The following ARHGEF4 variants were observed in gnomAD, a reference collection of about 807,000 sequenced individuals.
ARHGEF4 encodes the protein Rho guanine nucleotide exchange factor 4, also known as APC-stimulated guanine nucleotide exchange factor 1.
A neutral mutation model predicts 162.0 loss-of-function variants in ARHGEF4; 119 were observed. That is an observed-to-expected ratio of 0.73 (90% CI 0.63 to 0.86). The LOEUF (loss-of-function observed/expected upper bound fraction) is 0.86. ARHGEF4 is among the 40% of genes least tolerant of loss of function. The pLI is 0.00. For synonymous variants in ARHGEF4, 1,014 were observed against 979.9 expected (o/e 1.03, Z -0.65); for missense variants, 2,488 against 2,456.0 (o/e 1.01, Z -0.28).
intron 4 of ARHGEF4, among the ~76,000 whole-genome samples, chr2:130,986,899 C>G (rs983831979): frequency 3.3e-5 from 5 of 152,236 alleles, no homozygotes; most frequent in Non-Finnish European, 7.3e-5. Flanking sequence ...CCTTGGGTCA[C>G]ACAATCCTAG....
Position 130,931,239 on chromosome 2 carries a change from G to A in ARHGEF4, c.3840G>A (p.Val1280=). The stretch of plus-strand genomic sequence containing the variant: ...AAAGGAGGCTGCACATAGGGGCAGT[G>A]CACAAAGATGGAGTCAAGGTAAGCC... ...HVERRLHIGA[V]HKDGVKCWRK... is the part of the protein sequence containing the mutation. Residue 1280 remains valine, a synonymous_variant, in exon 3 of 14, where the codon GTG becomes GTA. Transcript: ENST00000409359. 1.2e-6 allele frequency: 2 copies of A among 1,609,046 alleles called. No individual in the cohort carries two copies. The highest frequency in any genetic ancestry group is 1.7e-6 in the Non-Finnish European group (2 of 1,176,482).
chr2:131,011,543 C>G lies in ARHGEF4; in HGVS notation c.3986-16402C>G. On this transcript the variant is annotated intron_variant, in intron 4 of 13. Coordinates refer to ENST00000409359, the MANE Select transcript of ARHGEF4 (RefSeq NM_001367493.1). ...CTTAAGCTCCCGTGAATATCAGGAC[C>G]TCAAGCATGTGCTTCCATATCAGCC... 3 of 1,311,580 alleles carry G rather than the reference C, an allele frequency of 2.3e-6. No individual in the cohort carries two copies. In the South Asian group the frequency reaches 4.4e-5, roughly 19 times the overall value. 81.2% of individuals were successfully genotyped at this position (1,311,580 alleles called of 1,614,324 possible).
At chr2:130,913,667 A>T (rs945285906) in intron 1 of ARHGEF4, among the ~76,000 whole-genome samples, 5 of 152,208 alleles carry the variant, frequency 3.3e-5, no homozygotes, top group Admixed American at 2.0e-4. Flanking sequence ...TTAGGCAGAG[A>T]TATGCTTTTC....
At chr2:130,924,301 G>A (rs183282898) in intron 2 of ARHGEF4, among the ~76,000 whole-genome samples, 5 of 146,062 alleles carry the variant, frequency 3.4e-5, no homozygotes, top group Admixed American at 1.4e-4. Flanking sequence ...TTTTGAGACC[G>A]AGTCTCACAC....
At chr2:130,982,599 CCCT>C (rs1443835235) in intron 4 of ARHGEF4, among the ~76,000 whole-genome samples, 2 of 96,824 alleles carry the variant, frequency 2.1e-5, no homozygotes, top group South Asian at 3.5e-4. Flanking sequence ...CTCCTCCTTT[CCCT>C]CCTCCTCCTC....
chr2:130,914,045 C>G lies in ARHGEF4; in HGVS notation c.99C>G (p.Pro33=). 6.5e-7 allele frequency: 1 copy of G among 1,536,112 alleles called. No homozygotes were observed. The highest frequency in any genetic ancestry group is 1.4e-5 in the African/African-American group (1 of 73,166). The change falls in exon 2 of 14, where the codon CCC becomes CCG. Residue 33 remains proline (P), a synonymous_variant. Coordinates refer to ENST00000409359, the MANE Select transcript of ARHGEF4 (RefSeq NM_001367493.1). ...GEGEIEDNQL[P]TSPAEQVEQG... is the part of the protein sequence containing the mutation. ...GTGAGATTGAAGATAACCAGCTCCC[C>G]ACATCCCCTGCAGAACAAGTGGAGC...
intron 4 of ARHGEF4, among the ~76,000 whole-genome samples, chr2:130,948,153 A>G (rs1227692617): frequency 6.6e-6 from 1 of 152,174 alleles, no homozygotes; most frequent in Admixed American, 6.5e-5. Context: ...GTGCCTTGCT[A>G]AGGAATCAGC....
Position 131,046,132 on chromosome 2 carries a change from G to T in ARHGEF4, c.5574G>T (p.Arg1858Ser). 1 of 1,612,996 alleles carries T rather than the reference G, an allele frequency of 6.2e-7. No homozygotes were observed. The highest frequency in any genetic ancestry group is 8.5e-7 in the Non-Finnish European group (1 of 1,179,904). Residue 1858 changes from arginine (R) to serine (S), a missense_variant, in exon 14 of 14, where the codon AGG (arginine) becomes AGT (serine). This residue lies in a region of ARHGEF4 where 415 missense variants were observed against 512.4 expected (regional missense o/e 0.81). Transcript: ENST00000409359. ...QQQVLVLAEP[R>S]RKPSTFWHSI... ...AGGTCCTGGTGCTGGCGGAGCCCAG[G>T]CGCAAGCCATCTACCTTCTGGCACA...
At position 130,851,597 on chromosome 2, in the gene ARHGEF4, G is replaced by T. The variant is rs1057504172; in HGVS notation, c.39+14605G>T. ...GAGGGTGGAGTGGACGGGCTGGGGG[G>T]GCTCCAGTCTGTCTGCAAAGCAGCA... On this transcript the variant is annotated intron_variant, in intron 1 of 13. Coordinates refer to ENST00000409359, the MANE Select transcript of ARHGEF4 (RefSeq NM_001367493.1). 2.0e-5 allele frequency among the ~76,000 whole-genome samples: 3 copies of T among 152,206 alleles called. 1 individual carries two copies. The highest frequency in any genetic ancestry group is 7.2e-5 in the African/African-American group (3 of 41,458).
intron 1 of ARHGEF4, among the ~76,000 whole-genome samples, chr2:130,888,819 G>A (rs1005113098): frequency 2.0e-5 from 3 of 151,858 alleles, no homozygotes; most frequent in East Asian, 1.9e-4. Context: ...TATGTCTGTC[G>A]GCCAGGCGCA....
Position 130,913,973 on chromosome 2 carries a change from C to T in ARHGEF4, c.40-13C>T. On this transcript the variant is annotated splice_polypyrimidine_tract_variant and intron_variant, in intron 1 of 13. Coordinates refer to ENST00000409359, the MANE Select transcript of ARHGEF4 (RefSeq NM_001367493.1). ...AGGCCTTGTCTCTGACTCCTCTCTT[C>T]TTGCCCTCCCAGACTCCAGAGCCAG... 2.6e-6 allele frequency: 4 copies of T among 1,536,012 alleles called. No individual in the cohort carries two copies. The highest frequency in any genetic ancestry group is 3.5e-6 in the Non-Finnish European group (4 of 1,146,872).
chr2:130,992,448 G>T (rs1687080976), intron 4 of ARHGEF4, among the ~76,000 whole-genome samples: 1 of 152,006 alleles, frequency 6.6e-6, no homozygotes, highest in South Asian at 2.1e-4. Flanking sequence ...AGCCCACCGG[G>T]AGGAACAAAC....
intron 4 of ARHGEF4, among the ~76,000 whole-genome samples, chr2:130,984,732 A>T (rs1034104554): frequency 1.3e-5 from 2 of 151,194 alleles, no homozygotes; most frequent in Non-Finnish European, 2.9e-5. Flanking sequence ...CTAATTTCCC[A>T]TGACTATATC....
At chr2:131,010,511 T>G (rs1688378426) in intron 4 of ARHGEF4, among the ~76,000 whole-genome samples, 1 of 148,426 alleles carries the variant, frequency 6.7e-6, no homozygotes, top group African/African-American at 2.6e-5. Flanking sequence ...GAGAGGGATA[T>G]TTTTTTACAT....
At chr2:130,985,881 T>TA (rs1239231341) in intron 4 of ARHGEF4, among the ~76,000 whole-genome samples, 1 of 151,762 alleles carries the variant, frequency 6.6e-6, no homozygotes, top group Non-Finnish European at 1.5e-5. Flanking sequence ...GTGGTGTGTA[T>TA]TGTATATGTT....
At chr2:130,987,994 G>T (rs1427785802) in intron 4 of ARHGEF4, among the ~76,000 whole-genome samples, 1 of 152,168 alleles carries the variant, frequency 6.6e-6, no homozygotes, top group African/African-American at 2.4e-5. Flanking sequence ...CTCTGCGGCA[G>T]ACTTCTCATC....
intron 1 of ARHGEF4, among the ~76,000 whole-genome samples, chr2:130,907,810 G>T (rs1018527999): frequency 6.6e-6 from 1 of 151,782 alleles, no homozygotes. Flanking sequence ...CAAAAAATTA[G>T]CCAGGCGTGG....
At chr2:130,892,645 G>T (rs527586204) in intron 1 of ARHGEF4, among the ~76,000 whole-genome samples, 1 of 152,336 alleles carries the variant, frequency 6.6e-6, no homozygotes, top group South Asian at 2.1e-4. Context: ...CCTACTGGCA[G>T]GCTGAGGACT....
rs943250462 is a variant in ARHGEF4 at position 130,915,381 on chromosome 2, G to A, written c.1435G>A (p.Ala479Thr). 9.7e-6 allele frequency: 15 copies of A among 1,550,494 alleles called. 1 individual carries two copies. The highest frequency in any genetic ancestry group is 3.6e-5 in the South Asian group (3 of 84,062). Reference sequence around the variant, plus strand: ...CCAGGAACCCCAAGGCACCCAACTCGCACCAAGAGCTGCTGATGAGAGAGA... The same window carrying A: ...CCAGGAACCCCAAGGCACCCAACTCACACCAAGAGCTGCTGATGAGAGAGA... ...RTQEPQGTQL[A>T]PRAADERETQ... Residue 479 changes from alanine to threonine, a missense_variant, in exon 2 of 14, where the codon GCA (alanine) becomes ACA (threonine). By Grantham distance (58) the Ala-to-Thr change is moderately conservative (BLOSUM62 0). This residue lies in a region of ARHGEF4 where 1,642 missense variants were observed against 1,481.5 expected (regional missense o/e 1.11). Transcript: ENST00000409359.
Sources: gnomAD v4.1 joint callset for allele counts (sites outside exome capture counted in the v4.1 genomes callset) on GRCh38, gnomAD v4.1.1 for gene constraint, gnomAD v4.1.1 regional missense constraint, MANE v1.5 for transcripts, NCBI Gene and HGNC (gene_info 2026-07-23, HGNC 2026-07-21) for gene names.